The following TFAP2A variants were observed in gnomAD, a reference collection of about 807,000 sequenced individuals.
TFAP2A encodes transcription factor AP-2-alpha.
Under a neutral mutation model 41.5 loss-of-function variants are expected in TFAP2A, and 7 were observed. The ratio of observed to expected loss-of-function variants is 0.17; its 90% confidence interval spans 0.10 to 0.32. The LOEUF (loss-of-function observed/expected upper bound fraction) is 0.32, where lower values mean the gene tolerates loss of function less well. Ranked by LOEUF, TFAP2A falls within the 10% of genes least tolerant of loss-of-function variation. TFAP2A has a pLI of 1.00. For synonymous variants in TFAP2A, 247 were observed against 242.8 expected, an observed-to-expected ratio of 1.02 and a Z score of -0.16; for missense variants, 416 against 563.3, an observed-to-expected ratio of 0.74 and a Z score of 2.65.
At chr6:10,412,807 C>T (rs1051796411) in intron 1 of TFAP2A, 4 of 189,494 alleles carry the variant, frequency 2.1e-5, no homozygotes, top group African/African-American at 7.2e-5. Flanking sequence ...CCGGGACCGG[C>T]CCGCTCGCTG....
At position 10,398,899 on chromosome 6, in the gene TFAP2A, C is replaced by T. The variant is rs1049066256; in HGVS notation, c.1032-194G>A. On this transcript the variant is annotated intron_variant, in intron 6 of 6. Transcript: ENST00000379613. This position sits in a 1 kb window ranked among gnomAD's most constrained non-coding sequence, Gnocchi z 5.3. ...AGCCACCTTTCAGTGACCACTAAAC[C>T]ATCTCTCTTTACTTCCTACCTTCAC... Among the ~76,000 whole-genome samples the T allele has an allele frequency of 1.3e-5, 2 of 152,178 alleles. No homozygotes were observed. Among genetic ancestry groups the T allele is most frequent in the African/African-American group, 4.8e-5 (2 of 41,442 alleles).
At chr6:10,415,123 A>G (rs1469715466), upstream of TFAP2A, 1 of 1,578,852 alleles carries the variant, frequency 6.3e-7, no homozygotes, top group Admixed American at 1.8e-5. Flanking sequence ...GTGGAGGAGG[A>G]GAAGGAGGAG....
In TFAP2A at chr6:10,410,138, G is replaced by T; in HGVS notation, c.249C>A (p.Ser83Arg). 1 of 1,611,916 alleles carries T rather than the reference G, an allele frequency of 6.2e-7. No individual in the cohort carries two copies. Among genetic ancestry groups the T allele is most frequent in the African/African-American group, 1.3e-5 (1 of 74,708 alleles). Residue 83 changes from serine to arginine, a missense_variant, in exon 2 of 7, where the codon AGC becomes AGA. Around this residue, in one of 3 missense-constraint regions of TFAP2A, gnomAD observed 241 missense variants for 274.1 expected, o/e 0.88. Coordinates refer to ENST00000379613, the MANE Select transcript of TFAP2A (RefSeq NM_001372066.1). ...GCGGCTGGGCGTGCAGGGGGTTCAG[G>T]CTGTAGGGGTCGTTGACGTGGGAGT... is the stretch of plus-strand genomic sequence containing the variant. ...DPYSHVNDPY[S>R]LNPLHAQPQP...
chr6:10,415,307 C>A (rs1758202212), upstream of TFAP2A: 1 of 1,358,022 alleles, frequency 7.4e-7, no homozygotes, highest in South Asian at 1.5e-5. Flanking sequence ...ACAGCCTAAT[C>A]GCCTCATTAG....
intron 5 of TFAP2A, chr6:10,400,811 T>C (rs1432689041): frequency 2.9e-6 from 2 of 688,274 alleles, no homozygotes; most frequent in Admixed American, 4.1e-5. Flanking sequence ...CAAGAAGACT[T>C]GAAAATGAAA....
At chr6:10,417,845 C>G (rs1183227688), upstream of TFAP2A, among the ~76,000 whole-genome samples, 1 of 152,202 alleles carries the variant, frequency 6.6e-6, no homozygotes, top group African/African-American at 2.4e-5. Context: ...GCGGCTCCCT[C>G]CTTCCTCCTC....
chr6:10,417,475 G>A (rs950249574), upstream of TFAP2A, among the ~76,000 whole-genome samples: 4 of 152,232 alleles, frequency 2.6e-5, no homozygotes, highest in Admixed American at 6.5e-5. Context: ...TTATGCCAGC[G>A]TCATTACCAC....
chr6:10,402,486 G>T lies in TFAP2A; in HGVS notation c.889+6C>A. ...TTCCTTCTAGTTAGCAAGTGGATTC[G>T]CTTACCCTCTACTAGTGATGTGAGC... is the stretch of plus-strand genomic sequence containing the variant. On this transcript the variant is annotated splice_donor_region_variant and intron_variant, in intron 5 of 6. Coordinates refer to ENST00000379613, the MANE Select transcript of TFAP2A (RefSeq NM_001372066.1). 1 of 1,600,202 alleles carries T rather than the reference G, an allele frequency of 6.2e-7. No individual in the cohort carries two copies. Among genetic ancestry groups the T allele is most frequent in the Non-Finnish European group, 8.6e-7 (1 of 1,167,280 alleles).
intron 1 of TFAP2A, chr6:10,412,171 TG>T: frequency 1.0e-6 from 1 of 985,906 alleles, no homozygotes; most frequent in Non-Finnish European, 1.2e-6. Flanking sequence ...CAAATCGGAG[TG>T]GGGAGAGGGA....
chr6:10,401,499 G>T (rs776564560), intron 5 of TFAP2A, among the ~76,000 whole-genome samples: 21 of 152,076 alleles, frequency 1.4e-4, no homozygotes, highest in Non-Finnish European at 2.9e-4. Flanking sequence ...AGAATTCATA[G>T]GATTCCTCCT....
upstream of TFAP2A, chr6:10,415,902 G>C (rs529277174): frequency 5.4e-4 from 83 of 152,306 alleles, 1 homozygote; most frequent in African/African-American, 2.0e-3. Context: ...TAATTGCAGC[G>C]TGTAAAATAA....
intron 2 of TFAP2A, among the ~76,000 whole-genome samples, chr6:10,408,219 G>T (rs1757801652): frequency 6.6e-6 from 1 of 152,132 alleles, no homozygotes; most frequent in African/African-American, 2.4e-5. Flanking sequence ...CCTTTTTCTT[G>T]ACCCAAATTC....
chr6:10,419,342 C>T (rs1758350896), upstream of TFAP2A: 42 of 1,561,094 alleles, frequency 2.7e-5, no homozygotes, highest in Non-Finnish European at 3.4e-5. Flanking sequence ...CGCTTCCTCT[C>T]CTCCTCCCCG....
intron 5 of TFAP2A, among the ~76,000 whole-genome samples, chr6:10,401,087 G>A (rs2613857): frequency 6.6e-6 from 1 of 152,156 alleles, no homozygotes; most frequent in Non-Finnish European, 1.5e-5. Context: ...GTTGATTTTC[G>A]AATCTTTGGT....
At chr6:10,419,308 C>T (rs1758349867), upstream of TFAP2A, 2 of 1,337,538 alleles carry the variant, frequency 1.5e-6, no homozygotes, top group Non-Finnish European at 2.1e-6. Flanking sequence ...GCCTCACCTA[C>T]GACTCCCCTG....
chr6:10,419,287 C>T, upstream of TFAP2A: 1 of 1,090,944 alleles, frequency 9.2e-7, no homozygotes, highest in Non-Finnish European at 1.4e-6. Context: ...CTCCTGGGCG[C>T]TGCCAGGCGC....
chr6:10,411,896 GA>G, intron 1 of TFAP2A: 1 of 1,285,220 alleles, frequency 7.8e-7, no homozygotes, highest in Non-Finnish European at 9.9e-7. Context: ...AAGGAAAAAG[GA>G]AAAAGTATGT....
chr6:10,415,045 T>C lies in TFAP2A; in HGVS notation c.-54A>G, dbSNP rs1365614792. 1.2e-6 allele frequency: 2 copies of C among 1,613,808 alleles called. No homozygotes were observed. The highest frequency in any genetic ancestry group is 4.5e-5 in the East Asian group (2 of 44,854). ...CGGTCTCGCACCCAAGTGGAGCTAC[T>C]CTCTGGGTGAGCGCAAAGTGCTGGC... On this transcript the variant is annotated 5_prime_UTR_variant, in exon 1 of 7. Transcript: ENST00000379613.
In TFAP2A at chr6:10,399,115, C is replaced by A. The variant is rs137951381; in HGVS notation, c.1032-410G>T. ...TGCTGCAGCCATCAGCCTTCCTATT[C>A]AAAATGTCATAAAGACCCTCTTCCC... On this transcript the variant is annotated intron_variant, in intron 6 of 6. Transcript: ENST00000379613. Among the ~76,000 whole-genome samples, 100 of 152,336 alleles carry A rather than the reference C, an allele frequency of 6.6e-4. 2 individuals are homozygous for A. Among genetic ancestry groups the A allele is most frequent in the African/African-American group, 2.3e-3 (96 of 41,572 alleles).
Sources: gnomAD v4.1 joint callset for allele counts (sites outside exome capture counted in the v4.1 genomes callset) on GRCh38, gnomAD v4.1.1 for gene constraint, gnomAD v4.1.1 regional missense constraint, Gnocchi (gnomAD v3.1) non-coding constraint, MANE v1.5 for transcripts, NCBI Gene and HGNC (gene_info 2026-07-23, HGNC 2026-07-21) for gene names.